The following TMEM132B variants were observed in gnomAD, a reference collection of about 807,000 sequenced individuals.
The protein encoded by TMEM132B is transmembrane protein 132B.
A neutral mutation model predicts 90.8 loss-of-function variants in TMEM132B; 18 were observed. The observed-to-expected ratio is 0.20, with a 90% CI of 0.14 to 0.29. The LOEUF is 0.29. Among genes scored for constraint, TMEM132B ranks in the 10% least tolerant of loss-of-function variants. The pLI is 1.00. For missense variants in TMEM132B, 1,096 were observed against 1,326.8 expected, an observed-to-expected ratio of 0.83 and a Z score of 2.70; for synonymous variants, 504 against 523.3, an observed-to-expected ratio of 0.96 and a Z score of 0.50.
At chr12:125,512,316 C>T (rs1383669046) in intron 3 of TMEM132B, among the ~76,000 whole-genome samples, 2 of 152,210 alleles carry the variant, frequency 1.3e-5, no homozygotes, top group Admixed American at 6.5e-5. Flanking sequence ...GGCAGAATTA[C>T]TATTTTGGGG....
Position 125,654,180 on chromosome 12 carries a change from G to A in TMEM132B, c.2722G>A (p.Ala908Thr). 6.2e-7 allele frequency: 1 copy of A among 1,614,246 alleles called. No homozygotes were observed. The change falls in exon 9 of 9, where the codon GCC becomes ACC. Residue 908 changes from alanine to threonine, a missense_variant. Coordinates refer to ENST00000682704, the MANE Select transcript of TMEM132B (RefSeq NM_001366854.1). This position sits in a 1 kb window ranked among gnomAD's most constrained non-coding sequence, Gnocchi z 5.8. ...GLTDLEIGMY[A>T]LLCVFCLAIL... Reference sequence around the variant, plus strand: ...AACGGACTTGGAGATTGGCATGTATGCCTTGCTCTGCGTCTTCTGTCTGGC... The same window carrying A: ...AACGGACTTGGAGATTGGCATGTATACCTTGCTCTGCGTCTTCTGTCTGGC...
chr12:125,552,583 C>G (rs962388891), intron 4 of TMEM132B, among the ~76,000 whole-genome samples: 2 of 152,208 alleles, frequency 1.3e-5, no homozygotes, highest in African/African-American at 4.8e-5. Flanking sequence ...CCTCATCACA[C>G]TCCCGGGCCC....
At chr12:125,255,965 A>C (rs1343455935) in intron 1 of TMEM132B, among the ~76,000 whole-genome samples, 1 of 152,032 alleles carries the variant, frequency 6.6e-6, no homozygotes, top group Non-Finnish European at 1.5e-5. Context: ...CTAATCACTG[A>C]GTTTTAAGTC....
Position 125,459,556 on chromosome 12 carries a change from T to C in TMEM132B, c.1106+43879T>C, listed in dbSNP as rs997884099. ...AGTAGGGTGTGGTGGGGATGTCTAA[T>C]GGGTACAAAAAATATAGTTACAAAG... On this transcript the variant is annotated intron_variant, in intron 3 of 8. Transcript: ENST00000682704. This position sits in a 1 kb window ranked among gnomAD's most constrained non-coding sequence, Gnocchi z 4.1. 6.6e-6 allele frequency among the ~76,000 whole-genome samples: 1 copy of C among 152,184 alleles called. No homozygotes were observed. Among genetic ancestry groups the C allele is most frequent in the Non-Finnish European group, 1.5e-5 (1 of 68,034 alleles).
At chr12:125,302,871 C>A (rs1490659106) in intron 1 of TMEM132B, among the ~76,000 whole-genome samples, 7 of 152,026 alleles carry the variant, frequency 4.6e-5, no homozygotes, top group Non-Finnish European at 8.8e-5. Flanking sequence ...CCGAGGTGGG[C>A]GGATCACTTG....
intron 5 of TMEM132B, among the ~76,000 whole-genome samples, chr12:125,601,806 A>T (rs1885578720): frequency 6.6e-6 from 1 of 152,228 alleles, no homozygotes. Flanking sequence ...ACAGAAATAC[A>T]AACTACCATC....
At chr12:125,370,699 G>A (rs578230340) in intron 2 of TMEM132B, among the ~76,000 whole-genome samples, 9 of 152,242 alleles carry the variant, frequency 5.9e-5, no homozygotes, top group South Asian at 2.1e-4. Flanking sequence ...ATGAGCTACC[G>A]CATCCGGCCA....
intron 4 of TMEM132B, among the ~76,000 whole-genome samples, chr12:125,575,415 T>G (rs967056129): frequency 2.6e-5 from 4 of 151,976 alleles, no homozygotes; most frequent in African/African-American, 4.8e-5. Flanking sequence ...ATTTGGGTAT[T>G]TGTCTATTTT....
rs1887139415 is a variant in TMEM132B at position 125,658,882 on chromosome 12, A to G, written c.*4172A>G. Reference sequence around the variant, plus strand: ...GTTGGGATTGATGATGGAATCTGCCAGAACATTTTCATCTTATTCTTCTTG... The same window carrying G: ...GTTGGGATTGATGATGGAATCTGCCGGAACATTTTCATCTTATTCTTCTTG... On this transcript the variant is annotated 3_prime_UTR_variant, in exon 9 of 9. Transcript: ENST00000682704. 6.6e-6 allele frequency: 1 copy of G among 152,232 alleles called. No homozygotes were observed. The highest frequency in any genetic ancestry group is 2.4e-5 in the African/African-American group (1 of 41,466). 9.4% of individuals were successfully genotyped at this position (152,232 alleles called of 1,614,324 possible). A position where few individuals can be genotyped will look rare whatever the true frequency, so the allele number is the denominator to read the frequency against.
chr12:125,550,401 A>G (rs1408321596), intron 4 of TMEM132B, among the ~76,000 whole-genome samples: 1 of 152,114 alleles, frequency 6.6e-6, no homozygotes, highest in African/African-American at 2.4e-5. Flanking sequence ...TTTATTAGTT[A>G]GTAATTTTTA....
At chr12:125,512,171 G>A (rs1882998702) in intron 3 of TMEM132B, among the ~76,000 whole-genome samples, 1 of 152,178 alleles carries the variant, frequency 6.6e-6, no homozygotes, top group South Asian at 2.1e-4. Context: ...AGGGACTTGG[G>A]GGACATGATA....
chr12:125,560,686 G>A (rs527323724), intron 4 of TMEM132B, among the ~76,000 whole-genome samples: 48 of 151,876 alleles, frequency 3.2e-4, no homozygotes, highest in Admixed American at 2.7e-3. Flanking sequence ...TTAGCCGGGC[G>A]CGGTGGCGGG....
At chr12:125,571,144 A>G (rs940811019) in intron 4 of TMEM132B, among the ~76,000 whole-genome samples, 1 of 152,232 alleles carries the variant, frequency 6.6e-6, no homozygotes, top group African/African-American at 2.4e-5. Context: ...CCAAGTGAGG[A>G]GCTGAGAGGA....
chr12:125,515,584 T>A (rs759154239), intron 3 of TMEM132B, among the ~76,000 whole-genome samples: 21 of 148,718 alleles, frequency 1.4e-4, no homozygotes, highest in Admixed American at 2.7e-4. Flanking sequence ...CACACACACA[T>A]TCCCTCTCAC....
intron 5 of TMEM132B, among the ~76,000 whole-genome samples, chr12:125,606,243 G>A (rs75044763): frequency 0.017 from 2,657 of 151,840 alleles, 34 homozygotes; most frequent in Non-Finnish European, 0.025. Context: ...TGAATGAAAA[G>A]GTGAAGACTC....
intron 4 of TMEM132B, among the ~76,000 whole-genome samples, chr12:125,582,770 G>A (rs1447647761): frequency 6.6e-6 from 1 of 152,150 alleles, no homozygotes; most frequent in African/African-American, 2.4e-5. Context: ...TACATTGATT[G>A]ATTTATTAAA....
chr12:125,406,096 G>A lies in TMEM132B; in HGVS notation c.960-9435G>A, dbSNP rs1308836495. 1.3e-5 allele frequency among the ~76,000 whole-genome samples: 2 copies of A among 152,138 alleles called. No individual in the cohort carries two copies. The highest frequency in any genetic ancestry group is 4.8e-5 in the African/African-American group (2 of 41,428). ...AAGTTCTTCCACTGTGGGCTGTTTG[G>A]TTAACTCAAACGTTAGTAGATATGC... is the stretch of plus-strand genomic sequence containing the variant. On this transcript the variant is annotated intron_variant, in intron 2 of 8. Coordinates refer to ENST00000682704, the MANE Select transcript of TMEM132B (RefSeq NM_001366854.1). The surrounding 1 kb of genome is among the most constrained non-coding windows in gnomAD (Gnocchi z 8.3).
rs60114108 is a variant in TMEM132B, at chr12:125,648,530, G to GTT, written c.1644-2139_1644-2138dup. Among the ~76,000 whole-genome samples, 887 of 132,468 alleles carry GTT rather than the reference G, an allele frequency of 6.7e-3. 7 individuals are homozygous for GTT. Among genetic ancestry groups the GTT allele is most frequent in the African/African-American group, 0.011 (389 of 36,608 alleles). 86.9% of individuals were successfully genotyped at this position (132,468 alleles called of 152,430 possible). ...GCATAAAGAGTGTATAAGATCTCCT[G>GTT]TTTTTTTTTTTTTTTCTGTTGTTGT... On this transcript the variant is annotated intron_variant, in intron 6 of 8. Transcript: ENST00000682704.
chr12:125,424,295 T>A (rs965319031), intron 3 of TMEM132B, among the ~76,000 whole-genome samples: 1 of 152,182 alleles, frequency 6.6e-6, no homozygotes, highest in Non-Finnish European at 1.5e-5. Context: ...CGTTTTTAAG[T>A]TCTGGATGCT....
Sources: allele counts gnomAD v4.1 joint callset (sites outside exome capture counted in the v4.1 genomes callset), GRCh38; gene constraint gnomAD v4.1.1; non-coding constraint Gnocchi (gnomAD v3.1); transcripts MANE v1.5; gene names NCBI Gene and HGNC (gene_info 2026-07-23, HGNC 2026-07-21).